DDX10: variants seen among roughly 807,000 people sequenced by gnomAD.
The protein encoded by DDX10 is probable ATP-dependent RNA helicase DDX10.
A neutral mutation model predicts 104.3 loss-of-function variants in DDX10; 74 were observed. That is an observed-to-expected ratio of 0.71 (90% CI 0.59 to 0.86). The LOEUF (loss-of-function observed/expected upper bound fraction) is 0.86, where lower values mean the gene tolerates loss of function less well. DDX10 is among the 40% of genes least tolerant of loss of function. The probability of loss-of-function intolerance (pLI) is 0.00; values close to 1 mark genes in which losing one functional copy is unlikely to be tolerated. For missense variants in DDX10, 952 were observed against 1,040.0 expected, an observed-to-expected ratio of 0.92 and a Z score of 1.16; for synonymous variants, 351 against 353.4, an observed-to-expected ratio of 0.99 and a Z score of 0.08.
chr11:108,686,691 G>A (rs2094244640), intron 6 of DDX10, among the ~76,000 whole-genome samples: 1 of 152,180 alleles, frequency 6.6e-6, no homozygotes, highest in African/African-American at 2.4e-5. Flanking sequence ...TATGAATAAA[G>A]CTGCAATAAA....
At chr11:108,910,765 G>GTC (rs1435926729) in intron 16 of DDX10, among the ~76,000 whole-genome samples, 1 of 98,642 alleles carries the variant, frequency 1.0e-5, no homozygotes, top group African/African-American at 4.3e-5. Flanking sequence ...GTGTGTGTGT[G>GTC]TGTGTGTGTG....
intron 10 of DDX10, among the ~76,000 whole-genome samples, chr11:108,710,904 G>A (rs1225435681): frequency 6.6e-6 from 1 of 152,176 alleles, no homozygotes; most frequent in Non-Finnish European, 1.5e-5. Context: ...ATCCTCCCGA[G>A]TAGCCTGCGC....
chr11:108,769,710 C>T (rs529495920), intron 13 of DDX10, among the ~76,000 whole-genome samples: 62 of 152,206 alleles, frequency 4.1e-4, no homozygotes, highest in African/African-American at 1.4e-3. Flanking sequence ...GAAAACATGT[C>T]CCTCCAGGTC....
chr11:108,715,366 C>T (rs1466758097), intron 10 of DDX10, among the ~76,000 whole-genome samples: 1 of 152,094 alleles, frequency 6.6e-6, no homozygotes, highest in African/African-American at 2.4e-5. Flanking sequence ...AAAAAGCAAA[C>T]AACAGACTAG....
chr11:108,811,832 A>G (rs1862185884), intron 13 of DDX10, among the ~76,000 whole-genome samples: 1 of 151,452 alleles, frequency 6.6e-6, no homozygotes, highest in Admixed American at 6.6e-5. Flanking sequence ...TAGTTGGGTC[A>G]AATAGATCAA....
intron 13 of DDX10, among the ~76,000 whole-genome samples, chr11:108,826,552 C>G (rs1449260954): frequency 1.3e-5 from 2 of 152,178 alleles, no homozygotes; most frequent in African/African-American, 4.8e-5. Context: ...TCCATTCAGT[C>G]GAAGAGTGTC....
intron 13 of DDX10, among the ~76,000 whole-genome samples, chr11:108,831,353 G>C (rs1862467580): frequency 1.4e-5 from 2 of 143,978 alleles, no homozygotes; most frequent in South Asian, 4.4e-4. Flanking sequence ...GCAGTGAGCT[G>C]AGATCGAGCC....
At chr11:108,937,254 C>T (rs1864048109) in intron 17 of DDX10, among the ~76,000 whole-genome samples, 1 of 152,154 alleles carries the variant, frequency 6.6e-6, no homozygotes, top group Admixed American at 6.5e-5. Flanking sequence ...GTTCTAACTT[C>T]AGGTTTTCCT....
chr11:108,706,801 A>C lies in DDX10; in HGVS notation c.1286A>C (p.Gln429Pro). The part of the protein sequence containing the change: ...LLPSEKAMVQ[Q>P]LLQKKVPVKE... ...CCCTCAGAAAAAGCTATGGTGCAGC[A>C]GCTTCTTCAGAAGAAAGTACCTGTG... Residue 429 changes from glutamine to proline, a missense_variant, in exon 10 of 18, where the codon CAG becomes CCG. Gln to Pro is a moderately conservative substitution (Grantham distance 76). Transcript: ENST00000322536. 1 of 1,614,134 alleles carries C rather than the reference A, an allele frequency of 6.2e-7. No individual in the cohort carries two copies. Among genetic ancestry groups the C allele is most frequent in the Non-Finnish European group, 8.5e-7 (1 of 1,179,960 alleles).
chr11:108,939,151 T>A (rs1864072437), intron 17 of DDX10, among the ~76,000 whole-genome samples: 1 of 152,198 alleles, frequency 6.6e-6, no homozygotes, highest in African/African-American at 2.4e-5. Flanking sequence ...ATAAGACAAC[T>A]GAGGGTTAGA....
intron 16 of DDX10, among the ~76,000 whole-genome samples, chr11:108,894,656 GAATTC>G (rs1206792322): frequency 6.6e-6 from 1 of 151,950 alleles, no homozygotes; most frequent in Non-Finnish European, 1.5e-5. Context: ...AAAGTCAATA[GAATTC>G]AAAATGCAAA....
intron 13 of DDX10, among the ~76,000 whole-genome samples, chr11:108,827,321 A>G (rs1374432117): frequency 1.3e-5 from 2 of 152,244 alleles, no homozygotes; most frequent in African/African-American, 4.8e-5. Flanking sequence ...TAAACAAGTG[A>G]TTACAATAGG....
rs369406287 is a variant in DDX10, at chr11:108,673,508, G to A, written c.228G>A (p.Leu76=). ...TCACAAGATTTTCAGATTTTCCCTT[G>A]TCCAAAAAAACATTGAAAGGTAAGT... ...NEITRFSDFP[L]SKKTLKGLQE... The change falls in exon 2 of 18, where the codon TTG becomes TTA. Residue 76 remains leucine (L), a synonymous_variant. Transcript: ENST00000322536. 30 of 1,596,656 alleles carry A rather than the reference G, an allele frequency of 1.9e-5. No homozygotes were observed. The Middle Eastern group carries it at 5.0e-4, about 26-fold the overall frequency.
At chr11:108,885,856 A>G (rs577288901) in intron 16 of DDX10, among the ~76,000 whole-genome samples, 53 of 152,332 alleles carry the variant, frequency 3.5e-4, no homozygotes, top group African/African-American at 1.3e-3. Flanking sequence ...TCTGGGGCCA[A>G]AATTTAAGAA....
chr11:108,768,276 C>A (rs2094358742), intron 13 of DDX10, among the ~76,000 whole-genome samples: 1 of 152,042 alleles, frequency 6.6e-6, no homozygotes. Flanking sequence ...CAAGGGTCAG[C>A]TGTGTATCTG....
rs189290771 is a variant in DDX10 at position 108,829,076 on chromosome 11, A to G, written c.1966-9370A>G. ...ATGAGTATGCAAGTACCTTTTTCAT[A>G]TAATGACTTCTTTTCCTCTGGGTAG... On this transcript the variant is annotated intron_variant, in intron 13 of 17. Transcript: ENST00000322536. 2.4e-4 allele frequency among the ~76,000 whole-genome samples: 37 copies of G among 151,098 alleles called. No individual in the cohort carries two copies. The Middle Eastern group carries it at 0.01, about 42-fold the overall frequency.
chr11:108,918,982 A>T (rs1863789090), intron 17 of DDX10: 1 of 152,236 alleles, frequency 6.6e-6, no homozygotes, highest in Non-Finnish European at 1.5e-5. Flanking sequence ...GGGTGTTTGC[A>T]GTTGGAGAAG....
chr11:108,757,648 C>T (rs183972909), intron 13 of DDX10, among the ~76,000 whole-genome samples: 1 of 152,136 alleles, frequency 6.6e-6, no homozygotes, highest in Non-Finnish European at 1.5e-5. Context: ...CTAGACCCTT[C>T]GACTACATTT....
At chr11:108,733,768 G>C (rs1475426753) in intron 13 of DDX10, among the ~76,000 whole-genome samples, 2 of 151,976 alleles carry the variant, frequency 1.3e-5, no homozygotes, top group Non-Finnish European at 2.9e-5. Flanking sequence ...GGGGGGATAA[G>C]CTTCATAATT....
Sources: gnomAD v4.1 joint callset for allele counts (sites outside exome capture counted in the v4.1 genomes callset) on GRCh38, gnomAD v4.1.1 for gene constraint, MANE v1.5 for transcripts, NCBI Gene and HGNC (gene_info 2026-07-23, HGNC 2026-07-21) for gene names.